The following XPR1 variants were observed in gnomAD, a reference collection of about 807,000 sequenced individuals.
XPR1 encodes xenotropic and polytropic retrovirus receptor 1.
In XPR1, 28 loss-of-function variants were observed where a neutral mutation model predicts 87.5. The observed-to-expected ratio is 0.32, with a 90% CI of 0.24 to 0.44. The LOEUF (loss-of-function observed/expected upper bound fraction) is 0.44, where lower values mean the gene tolerates loss of function less well. Among genes scored for constraint, XPR1 ranks in the 20% least tolerant of loss-of-function variants. XPR1 has a pLI of 1.00. For missense variants in XPR1, 559 were observed against 862.3 expected (o/e 0.65, Z 4.41); for synonymous variants, 300 against 306.1 (o/e 0.98, Z 0.21).
At chr1:180,778,888 C>T (rs1438445324) in intron 2 of XPR1, among the ~76,000 whole-genome samples, 2 of 152,122 alleles carry the variant, frequency 1.3e-5, no homozygotes, top group African/African-American at 4.8e-5. Context: ...CCCCCTAAAA[C>T]TCATCAATAT....
intron 1 of XPR1, among the ~76,000 whole-genome samples, chr1:180,656,630 TATGTATAATA>T (rs1655535506): frequency 2.1e-5 from 2 of 93,734 alleles, no homozygotes; most frequent in African/African-American, 9.7e-5. Context: ...TTTATATATG[TATGTATAATA>T]TATTATTATA....
chr1:180,826,445 C>T (rs1045046903), intron 9 of XPR1, among the ~76,000 whole-genome samples: 1 of 152,070 alleles, frequency 6.6e-6, no homozygotes. Flanking sequence ...ATACTTGTGA[C>T]GCTCAGGTGA....
intron 2 of XPR1, among the ~76,000 whole-genome samples, chr1:180,784,441 T>A (rs891803966): frequency 6.6e-6 from 1 of 152,094 alleles, no homozygotes; most frequent in Non-Finnish European, 1.5e-5. Context: ...TTGTAATAAT[T>A]TTTAAAAATA....
chr1:180,735,364 G>A (rs1191569820), intron 2 of XPR1, among the ~76,000 whole-genome samples: 1 of 152,176 alleles, frequency 6.6e-6, no homozygotes, highest in East Asian at 1.9e-4. Context: ...GAAATGACAT[G>A]TATTCCAAAC....
At chr1:180,688,564 C>T (rs565451938) in intron 2 of XPR1, among the ~76,000 whole-genome samples, 8 of 152,014 alleles carry the variant, frequency 5.3e-5, no homozygotes, top group African/African-American at 1.9e-4. Context: ...ATATTTGTAA[C>T]AAATTATATT....
rs116598174 is a variant in XPR1, at chr1:180,793,822, G to A, written c.223+5968G>A. 3.5e-3 allele frequency among the ~76,000 whole-genome samples: 530 copies of A among 152,002 alleles called. 4 individuals are homozygous for A. Among genetic ancestry groups the A allele is most frequent in the African/African-American group, 0.012 (517 of 41,474 alleles). ...TAAGCATCTATTAAAAACAAGCCAC[G>A]TGAAAACCACCCTCATTTTCTTTCT... On this transcript the variant is annotated intron_variant, in intron 3 of 14. Transcript: ENST00000367590.
Position 180,845,333 on chromosome 1 carries a change from T to C in XPR1, c.1501+8617T>C, listed in dbSNP as rs553646676. 1.1e-4 allele frequency among the ~76,000 whole-genome samples: 16 copies of C among 152,216 alleles called. 1 individual carries two copies. The highest frequency in any genetic ancestry group is 3.1e-4 in the African/African-American group (13 of 41,538). On this transcript the variant is annotated intron_variant, in intron 11 of 14. Coordinates refer to ENST00000367590, the MANE Select transcript of XPR1 (RefSeq NM_004736.4). ...CCACAACTTTTTCCTAAATAGAGAA[T>C]TGGGCAAAAATGAATGTATCTTTGT... is the stretch of plus-strand genomic sequence containing the variant.
In XPR1 at chr1:180,656,657, A is replaced by G. The variant is rs970557085; in HGVS notation, c.69+24387A>G. On this transcript the variant is annotated intron_variant, in intron 1 of 14. Transcript: ENST00000367590. ...TGTATAATATATTATTATATATAAT[A>G]TATAATTTATATTATATATAATTAT... Among the ~76,000 whole-genome samples, 7 of 124,698 alleles carry G rather than the reference A, an allele frequency of 5.6e-5. No individual in the cohort carries two copies. The South Asian group carries it at 1.1e-3, about 20-fold the overall frequency. 81.8% of individuals were successfully genotyped at this position (124,698 alleles called of 152,430 possible). A position where few individuals can be genotyped will look rare whatever the true frequency, so the allele number is the denominator to read the frequency against.
intron 2 of XPR1, among the ~76,000 whole-genome samples, chr1:180,764,788 C>CT (rs60659660): frequency 0.78 from 100,691 of 129,688 alleles, 39,410 homozygotes; most frequent in East Asian, 0.93. Flanking sequence ...AATTTTTTTT[C>CT]TTTTTTTTTT....
chr1:180,668,810 C>T (rs756794483), intron 1 of XPR1, among the ~76,000 whole-genome samples: 2 of 152,128 alleles, frequency 1.3e-5, no homozygotes, highest in Non-Finnish European at 2.9e-5. Context: ...TCTATTGAGA[C>T]TGAGCACGGT....
chr1:180,698,279 T>C (rs903259480), intron 2 of XPR1, among the ~76,000 whole-genome samples: 1 of 152,170 alleles, frequency 6.6e-6, no homozygotes, highest in Admixed American at 6.6e-5. Context: ...TTGCGGGAGA[T>C]ATTTTTTTCC....
chr1:180,643,394 G>A (rs978974025), intron 1 of XPR1, among the ~76,000 whole-genome samples: 6 of 152,166 alleles, frequency 3.9e-5, no homozygotes, highest in Admixed American at 2.6e-4. Flanking sequence ...ATAAAATAAT[G>A]GTGTATGTTG....
intron 2 of XPR1, among the ~76,000 whole-genome samples, chr1:180,771,495 A>C (rs923809525): frequency 1.3e-5 from 2 of 152,210 alleles, no homozygotes; most frequent in Non-Finnish European, 2.9e-5. Context: ...TACTGACTCA[A>C]CTACAGACCT....
chr1:180,752,300 CT>C (rs1056486035), intron 2 of XPR1, among the ~76,000 whole-genome samples: 8 of 151,884 alleles, frequency 5.3e-5, no homozygotes, highest in African/African-American at 1.9e-4. Context: ...TTATTCTTTT[CT>C]TTTTTTGATA....
At chr1:180,864,192 T>G (rs1033783342) in intron 12 of XPR1, among the ~76,000 whole-genome samples, 17 of 152,184 alleles carry the variant, frequency 1.1e-4, no homozygotes, top group Admixed American at 1.3e-4. Context: ...AGTTTATGAT[T>G]TGTTTTTGAA....
Position 180,813,827 on chromosome 1 carries a change from T to C in XPR1, c.763+2339T>C, listed in dbSNP as rs1233623073. 2.0e-5 allele frequency among the ~76,000 whole-genome samples: 3 copies of C among 152,174 alleles called. No individual in the cohort carries two copies. The East Asian group carries it at 5.8e-4, about 29-fold the overall frequency. On this transcript the variant is annotated intron_variant, in intron 7 of 14. Coordinates refer to ENST00000367590, the MANE Select transcript of XPR1 (RefSeq NM_004736.4). ...GTTCAGTGAAGTCTGCAAAGAAATA[T>C]TAGGCTGGTGCAAAAGTTGCCATTA...
chr1:180,806,642 A>C, intron 6 of XPR1, 85 bp downstream of exon 6: 2 of 1,263,922 alleles, frequency 1.6e-6, no homozygotes, highest in Non-Finnish European at 2.2e-6. Flanking sequence ...ATCTTAAAAA[A>C]ATTTTCAGCC....
intron 12 of XPR1, among the ~76,000 whole-genome samples, chr1:180,864,996 C>G (rs4652534): frequency 4.6e-5 from 7 of 152,016 alleles, no homozygotes; most frequent in Non-Finnish European, 7.4e-5. Context: ...CTAACATTTT[C>G]TACTCTATCA....
chr1:180,826,891 C>T (rs993163531), intron 9 of XPR1, among the ~76,000 whole-genome samples: 1 of 151,856 alleles, frequency 6.6e-6, no homozygotes, highest in African/African-American at 2.4e-5. Context: ...CAGTGGCTCA[C>T]GCCTGTCGTC....
Sources: gnomAD v4.1 joint callset for allele counts (sites outside exome capture counted in the v4.1 genomes callset) on GRCh38, gnomAD v4.1.1 for gene constraint, MANE v1.5 for transcripts, NCBI Gene and HGNC (gene_info 2026-07-23, HGNC 2026-07-21) for gene names.